PKIB: variants seen among roughly 807,000 people sequenced by gnomAD.
PKIB encodes PKI-beta.
In PKIB, 2 loss-of-function variants were observed where a neutral mutation model predicts 4.5. The ratio of observed to expected loss-of-function variants is 0.44; its 90% CI spans 0.18 to 1.39. The LOEUF (loss-of-function observed/expected upper bound fraction) is 1.39, where lower values mean the gene tolerates loss of function less well. PKIB is among the 40% of genes most tolerant of loss of function. The pLI is 0.27. For synonymous variants in PKIB, 38 were observed against 36.0 expected (o/e 1.06, Z -0.20); for missense variants, 94 against 92.6 (o/e 1.02, Z -0.06).
At chr6:122,501,729 C>T (rs890336597) in intron 2 of PKIB, among the ~76,000 whole-genome samples, 13 of 152,116 alleles carry the variant, frequency 8.5e-5, no homozygotes, top group African/African-American at 2.9e-4. Context: ...CTCTGAAATG[C>T]GCTGAAGGCA....
chr6:122,485,210 CTT>C (rs907386583), intron 2 of PKIB, among the ~76,000 whole-genome samples: 2 of 141,390 alleles, frequency 1.4e-5, no homozygotes, highest in Non-Finnish European at 1.6e-5. Context: ...CAAAAATATT[CTT>C]TTTTTTTTTT....
Position 122,622,175 on chromosome 6 carries a change from T to A in PKIB, c.-160-11108T>A, listed in dbSNP as rs920434193. On this transcript the variant is annotated intron_variant, in intron 1 of 4. Transcript: ENST00000368452. ...TTTAGGAATAAGTTTGCCATAAGAA[T>A]CATGTGATTTAACTCTTAAATTATG... is the stretch of plus-strand genomic sequence containing the variant. Among the ~76,000 whole-genome samples, 11 of 152,298 alleles carry A rather than the reference T, an allele frequency of 7.2e-5. No homozygotes were observed. In the South Asian group the frequency reaches 2.3e-3, roughly 32 times the overall value.
chr6:122,705,347 C>T (rs957963152), intron 3 of PKIB, among the ~76,000 whole-genome samples: 7 of 152,066 alleles, frequency 4.6e-5, no homozygotes, highest in Non-Finnish European at 1.0e-4. Flanking sequence ...TTGAGGAATA[C>T]CACACAGAAT....
At chr6:122,480,995 C>CTAATTTCTAATGTAGA (rs1324518781) in intron 2 of PKIB, 5 of 152,066 alleles carry the variant, frequency 3.3e-5, no homozygotes, top group Admixed American at 1.3e-4. Flanking sequence ...CTTAAGACAT[C>CTAATTTCTAATGTAGA]ACTTAGTCAA....
chr6:122,595,191 T>C (rs1774141054), intron 3 of PKIB, among the ~76,000 whole-genome samples: 1 of 152,174 alleles, frequency 6.6e-6, no homozygotes, highest in African/African-American at 2.4e-5. Flanking sequence ...ACTCTGGCTA[T>C]GGGAGGAAAC....
At chr6:122,609,711 G>A (rs1774669708), upstream of PKIB, among the ~76,000 whole-genome samples, 1 of 152,214 alleles carries the variant, frequency 6.6e-6, no homozygotes. Flanking sequence ...CAGCAGTATC[G>A]TCGTCCATGT....
intron 2 of PKIB, among the ~76,000 whole-genome samples, chr6:122,658,715 A>T (rs1776870400): frequency 6.6e-6 from 1 of 151,568 alleles, no homozygotes; most frequent in South Asian, 2.1e-4. Flanking sequence ...GCAAAAGCAG[A>T]CCTATCTCAG....
intron 2 of PKIB, among the ~76,000 whole-genome samples, chr6:122,527,050 A>G (rs1294563089): frequency 6.6e-6 from 1 of 152,082 alleles, no homozygotes; most frequent in Non-Finnish European, 1.5e-5. Context: ...TATGTTATGG[A>G]GTTAATTTCT....
At chr6:122,652,724 A>T (rs1306365673) in intron 2 of PKIB, 1 of 152,160 alleles carries the variant, frequency 6.6e-6, no homozygotes, top group Non-Finnish European at 1.5e-5. Context: ...ACAAAGATTG[A>T]AGCTAATTAT....
intron 2 of PKIB, among the ~76,000 whole-genome samples, chr6:122,674,519 A>G (rs1478866362): frequency 6.6e-6 from 1 of 152,202 alleles, no homozygotes; most frequent in Non-Finnish European, 1.5e-5. Context: ...TTCTGTGAAT[A>G]GGAATAATAT....
intron 2 of PKIB, among the ~76,000 whole-genome samples, chr6:122,670,884 G>A (rs1021971580): frequency 3.3e-5 from 5 of 152,180 alleles, no homozygotes; most frequent in African/African-American, 1.2e-4. Flanking sequence ...AGTTGAAGTG[G>A]TTAACTTGCT....
At chr6:122,542,599 C>G (rs557382020) in intron 2 of PKIB, among the ~76,000 whole-genome samples, 1 of 151,978 alleles carries the variant, frequency 6.6e-6, no homozygotes, top group East Asian at 1.9e-4. Context: ...GAGGAGTACC[C>G]GGCCGTGTGA....
At chr6:122,699,035 G>A (rs1778689748) in intron 3 of PKIB, among the ~76,000 whole-genome samples, 2 of 152,054 alleles carry the variant, frequency 1.3e-5, no homozygotes, top group African/African-American at 2.4e-5. Flanking sequence ...TCCTGGAGAA[G>A]GATGTCATCA....
chr6:122,598,680 C>A (rs890022160), intron 3 of PKIB, among the ~76,000 whole-genome samples: 1 of 152,194 alleles, frequency 6.6e-6, no homozygotes, highest in African/African-American at 2.4e-5. Flanking sequence ...CCATCCCAAT[C>A]TCCCTAAGCC....
At chr6:122,667,939 T>A (rs1777297807) in intron 2 of PKIB, among the ~76,000 whole-genome samples, 2 of 152,152 alleles carry the variant, frequency 1.3e-5, no homozygotes. Flanking sequence ...GGCAATTTTG[T>A]GTGTCGAATG....
rs752581156 is a variant in PKIB at position 122,717,871 on chromosome 6, G to A, written c.77G>A (p.Arg26His). The A allele has an allele frequency of 3.3e-5, 54 of 1,613,954 alleles. No homozygotes were observed. The highest frequency in any genetic ancestry group is 2.2e-5 in the East Asian group (1 of 44,878). The change falls in exon 4 of 5, where the codon CGC becomes CAC. Residue 26 changes from arginine (R) to histidine (H), a missense_variant. Arg to His is a conservative substitution (Grantham distance 29). Transcript: ENST00000368452. ...TTTGCATCTTCAGCAAGGGCAGGCCGCCGGAATGCCTTACCAGACATCCAG... is the reference window on the plus strand; with the variant it reads ...TTTGCATCTTCAGCAAGGGCAGGCCACCGGAATGCCTTACCAGACATCCAG... ...ANFASSARAGRRNALPDIQSS... is the reference protein window; with the variant it reads ...ANFASSARAGHRNALPDIQSS...
intron 2 of PKIB, among the ~76,000 whole-genome samples, chr6:122,533,300 G>C (rs1035675791): frequency 2.0e-5 from 3 of 151,914 alleles, no homozygotes; most frequent in African/African-American, 7.3e-5. Flanking sequence ...CTCCCAATTA[G>C]CTGGGACTAT....
chr6:122,487,044 G>T lies in PKIB; in HGVS notation c.-248+9105G>T, dbSNP rs541581358. ...AATATTTATTTCTTCAAATGTAAAA[G>T]CATTTTACTGCATAACCACAATGTA... On this transcript the variant is annotated intron_variant, in intron 2 of 6. Coordinates refer to the PKIB transcript ENST00000392491. 1.3e-3 allele frequency among the ~76,000 whole-genome samples: 199 copies of T among 152,166 alleles called. 1 individual carries two copies. Among genetic ancestry groups the T allele is most frequent in the Middle Eastern group, 0.01 (3 of 294 alleles).
chr6:122,634,928 C>T lies in PKIB; in HGVS notation c.-76+1561C>T, dbSNP rs149967400. On this transcript the variant is annotated intron_variant, in intron 2 of 4. Coordinates refer to ENST00000368452, the MANE Select transcript of PKIB (RefSeq NM_181795.3). ...CTGCACTCCAGCCTGGGTGACAGAGCGAGACTCCATCTCAAAGAAAAAAAA... is the reference window on the plus strand; with the variant it reads ...CTGCACTCCAGCCTGGGTGACAGAGTGAGACTCCATCTCAAAGAAAAAAAA... Among the ~76,000 whole-genome samples the T allele has an allele frequency of 4.7e-3, 705 of 149,638 alleles. 5 individuals carry two copies. Among genetic ancestry groups the T allele is most frequent in the African/African-American group, 0.016 (652 of 40,688 alleles).
Sources: allele counts gnomAD v4.1 joint callset (sites outside exome capture counted in the v4.1 genomes callset), GRCh38; gene constraint gnomAD v4.1.1; transcripts MANE v1.5; gene names NCBI Gene and HGNC (gene_info 2026-07-23, HGNC 2026-07-21).